The following LCN2 variants were observed in gnomAD, a reference collection of about 807,000 sequenced individuals.
LCN2 encodes the protein neutrophil gelatinase-associated lipocalin.
LCN2 carries 27 observed loss-of-function variants against 26.4 expected under a neutral mutation model. That is an observed-to-expected ratio of 1.02 (90% CI 0.76 to 1.41). The LOEUF is 1.41. Among genes scored for constraint, LCN2 ranks in the 40% most tolerant of loss-of-function variants. The pLI, the probability that LCN2 is intolerant of heterozygous loss-of-function variation, is 0.00. For synonymous variants in LCN2, 94 were observed against 98.9 expected (o/e 0.95, Z 0.30); for missense variants, 224 against 237.6 (o/e 0.94, Z 0.38).
chr9:128,150,316 G>C lies in LCN2; in HGVS notation c.217G>C (p.Ala73Pro), dbSNP rs1564224819. 4.3e-6 allele frequency: 7 copies of C among 1,614,168 alleles called. No individual in the cohort carries two copies. The highest frequency in any genetic ancestry group is 5.9e-6 in the Non-Finnish European group (7 of 1,180,032). Reference sequence around the variant, plus strand: ...AGACAAAGACCCGCAAAAGATGTATGCCACCATCTATGAGCTGAAAGAAGA... The same window carrying C: ...AGACAAAGACCCGCAAAAGATGTATCCCACCATCTATGAGCTGAAAGAAGA... ...REDKDPQKMY[A>P]TIYELKEDKS... The change falls in exon 2 of 7, where the codon GCC (alanine) becomes CCC (proline). Residue 73 changes from alanine (A) to proline (P), a missense_variant. Coordinates refer to ENST00000277480, the MANE Select transcript of LCN2 (RefSeq NM_005564.5).
At position 128,149,938 on chromosome 9, in the gene LCN2, C is replaced by T. The variant is rs147977203; in HGVS notation, c.138+275C>T. 6.3e-3 allele frequency among the ~76,000 whole-genome samples: 962 copies of T among 151,556 alleles called. 11 individuals carry two copies. The highest frequency in any genetic ancestry group is 0.023 in the African/African-American group (931 of 41,254). ...AAGAAGGTGGGAGCACTTTTAGTCC[C>T]CCTGCACAGATGAGGAAACTGAGGC... On this transcript the variant is annotated intron_variant, in intron 1 of 6. Transcript: ENST00000277480.
chr9:128,150,765 C>T (rs185560875), intron 2 of LCN2, among the ~76,000 whole-genome samples: 1 of 152,322 alleles, frequency 6.6e-6, no homozygotes, highest in African/African-American at 2.4e-5. Flanking sequence ...GAGAGCCCCC[C>T]CTTCAGGAAG....
At chr9:128,150,701 C>T (rs907665860) in intron 2 of LCN2, 5 of 510,656 alleles carry the variant, frequency 9.8e-6, no homozygotes, top group Non-Finnish European at 1.9e-5. Context: ...CTTAAAAGAG[C>T]CAACCTGCTT....
chr9:128,153,231 C>A lies in LCN2; in HGVS notation c.*8-80C>A. 1 of 1,350,540 alleles carries A rather than the reference C, an allele frequency of 7.4e-7. No individual in the cohort carries two copies. Among genetic ancestry groups the A allele is most frequent in the Non-Finnish European group, 1.1e-6 (1 of 946,614 alleles). The allele number at this position is 1,350,540 out of a possible 1,614,324, so 83.7% of individuals were successfully genotyped here. ...CTCATCCCCCTGCCCCCCAGCACTG[C>A]TGCTGTCTTTATTCTGCTGTCCCCA... On this transcript the variant is annotated intron_variant, in intron 6 of 6. Transcript: ENST00000277480. This position sits in a 1 kb window ranked among gnomAD's most constrained non-coding sequence, Gnocchi z 5.4.
chr9:128,149,872 C>G (rs1834988557), intron 1 of LCN2, among the ~76,000 whole-genome samples: 1 of 148,470 alleles, frequency 6.7e-6, no homozygotes, highest in Non-Finnish European at 1.5e-5. Flanking sequence ...GAACAGACTC[C>G]CCCAGGTCCA....
chr9:128,153,193 G>C lies in LCN2; in HGVS notation c.*7+67G>C. On this transcript the variant is annotated intron_variant, in intron 6 of 6. Transcript: ENST00000277480. This position sits in a 1 kb window ranked among gnomAD's most constrained non-coding sequence, Gnocchi z 5.4. ...CAGGGTGCAGTGGGCTGGGGGTCTT[G>C]GGCCTGCCTTTGCTCATCCCCCTGC... 1 of 1,591,810 alleles carries C rather than the reference G, an allele frequency of 6.3e-7. No individual in the cohort carries two copies. The highest frequency in any genetic ancestry group is 1.1e-5 in the South Asian group (1 of 90,646).
At chr9:128,151,865 C>T (rs1472599938) in intron 3 of LCN2, 41 bp from the exon 4 acceptor site, 3 of 1,611,732 alleles carry the variant, frequency 1.9e-6, no homozygotes, top group Admixed American at 1.7e-5. Context: ...TCCCTCCTCC[C>T]ATCCAGGGCA....
rs1463712584 is a variant in LCN2, at chr9:128,149,532, C to T, written c.7C>T (p.Leu3=). 6.2e-7 allele frequency: 1 copy of T among 1,612,124 alleles called. No individual in the cohort carries two copies. Among genetic ancestry groups the T allele is most frequent in the Non-Finnish European group, 8.5e-7 (1 of 1,178,954 alleles). The part of the protein sequence containing the change: MP[L]GLLWLGLALL... Reference sequence around the variant, plus strand: ...CTTCCTCGGCCCTGAAATCATGCCCCTAGGTCTCCTGTGGCTGGGCCTAGC... The same window carrying T: ...CTTCCTCGGCCCTGAAATCATGCCCTTAGGTCTCCTGTGGCTGGGCCTAGC... Residue 3 remains leucine (L), a synonymous_variant, in exon 1 of 7, where the codon CTA becomes TTA. Coordinates refer to ENST00000277480, the MANE Select transcript of LCN2 (RefSeq NM_005564.5).
chr9:128,152,824 C>T (rs1829152343), intron 5 of LCN2, among the ~76,000 whole-genome samples: 1 of 152,200 alleles, frequency 6.6e-6, no homozygotes, highest in Non-Finnish European at 1.5e-5. Flanking sequence ...GACTGGTAAA[C>T]AGGCAGGAGA....
intron 5 of LCN2, 161 bp downstream of exon 5, chr9:128,152,445 G>T: frequency 1.5e-6 from 1 of 650,188 alleles, no homozygotes; most frequent in Non-Finnish European, 2.6e-6. Context: ...GGCCCAGGAA[G>T]ACTGTGCCCC....
At chr9:128,151,743 T>A in intron 3 of LCN2, 26 bp downstream of exon 3, 1 of 1,608,244 alleles carries the variant, frequency 6.2e-7, no homozygotes, top group South Asian at 1.1e-5. Flanking sequence ...GGTGGGGCAC[T>A]GAGTTGGGGC....
At chr9:128,150,397 G>C (rs1223091573) in intron 2 of LCN2, 23 bp downstream of exon 2, 1 of 1,614,016 alleles carries the variant, frequency 6.2e-7, no homozygotes, top group Non-Finnish European at 8.5e-7. Flanking sequence ...ATCTCCTGGG[G>C]GTGTGAGAGT....
intron 5 of LCN2, 128 bp downstream of exon 5, chr9:128,152,412 G>C: frequency 1.3e-6 from 1 of 784,290 alleles, no homozygotes; most frequent in South Asian, 1.7e-5. Context: ...GGATGGTCCA[G>C]GAGCTCCTTG....
At chr9:128,151,100 G>A (rs1305185717) in intron 2 of LCN2, among the ~76,000 whole-genome samples, 2 of 152,130 alleles carry the variant, frequency 1.3e-5, no homozygotes, top group African/African-American at 4.8e-5. Context: ...GGCATTTGTG[G>A]AGCAAGGAGC....
chr9:128,151,580 A>G, intron 2 of LCN2, 58 bp from the exon 3 acceptor site: 3 of 1,399,432 alleles, frequency 2.1e-6, no homozygotes, highest in Non-Finnish European at 3.0e-6. Context: ...CTTGTCCAGC[A>G]CAGGAGGCCC....
Position 128,149,474 on chromosome 9 carries a change from C to A in LCN2, c.-52C>A. 1 of 1,507,704 alleles carries A rather than the reference C, an allele frequency of 6.6e-7. No individual in the cohort carries two copies. The highest frequency in any genetic ancestry group is 1.3e-5 in the South Asian group (1 of 75,780). The allele number at this position is 1,507,704 out of a possible 1,614,324, so 93.4% of individuals were successfully genotyped here. A position where few individuals can be genotyped will look rare whatever the true frequency, so the allele number is the denominator to read the frequency against. On this transcript the variant is annotated 5_prime_UTR_variant, in exon 1 of 7. Transcript: ENST00000277480. ...TCTCACTCGCCACCTCCTCTTCCACCCCTGCCAGGCCCAGCAGCCACCACA... is the reference window on the plus strand; with the variant it reads ...TCTCACTCGCCACCTCCTCTTCCACACCTGCCAGGCCCAGCAGCCACCACA...
intron 3 of LCN2, 59 bp from the exon 4 acceptor site, chr9:128,151,847 G>A (rs1383176303): frequency 6.2e-7 from 1 of 1,607,780 alleles, no homozygotes; most frequent in African/African-American, 1.3e-5. Flanking sequence ...GGGGAGGGAG[G>A]GGACAGCTCC....
rs1014127599 is a variant in LCN2, at chr9:128,153,294, T to C, written c.*8-17T>C. ...CCCATTTCCCCACCCATCACCCTCA[T>C]ATCCACCTCTGTCCAGGGTGCCGCC... On this transcript the variant is annotated splice_polypyrimidine_tract_variant and intron_variant, in intron 6 of 6. Coordinates refer to ENST00000277480, the MANE Select transcript of LCN2 (RefSeq NM_005564.5). The surrounding 1 kb of genome is among the most constrained non-coding windows in gnomAD (Gnocchi z 5.4). 1 of 770,048 alleles carries C rather than the reference T, an allele frequency of 1.3e-6. No individual in the cohort carries two copies. Among genetic ancestry groups the C allele is most frequent in the South Asian group, 1.5e-5 (1 of 64,640 alleles). The allele number at this position is 770,048 out of a possible 1,614,324, so 47.7% of individuals were successfully genotyped here. A position where few individuals can be genotyped will look rare whatever the true frequency, so the allele number is the denominator to read the frequency against.
rs1324723264 is a variant in LCN2 at position 128,153,425 on chromosome 9, T to C, written c.*122T>C. 3 of 520,952 alleles carry C rather than the reference T, an allele frequency of 5.8e-6. No individual in the cohort carries two copies. Among genetic ancestry groups the C allele is most frequent in the Non-Finnish European group, 1.1e-5 (3 of 284,848 alleles). 32.3% of individuals were successfully genotyped at this position (520,952 alleles called of 1,614,324 possible). On this transcript the variant is annotated 3_prime_UTR_variant, in exon 7 of 7. Transcript: ENST00000277480. The surrounding 1 kb of genome is among the most constrained non-coding windows in gnomAD (Gnocchi z 5.4). ...CCACCCCGCTGATGGAGCCCCACCT[T>C]GTCTGCTAAATAAACATGTGCCCTC...
Sources: allele counts gnomAD v4.1 joint callset (sites outside exome capture counted in the v4.1 genomes callset), GRCh38; gene constraint gnomAD v4.1.1; non-coding constraint Gnocchi (gnomAD v3.1); transcripts MANE v1.5; gene names NCBI Gene and HGNC (gene_info 2026-07-23, HGNC 2026-07-21).